Variants in IGSF11 observed in about 807,000 individuals in gnomAD.
IGSF11 encodes the protein immunoglobulin superfamily member 11.
IGSF11 carries 22 observed loss-of-function variants against 41.0 expected under a neutral mutation model. The ratio of observed to expected loss-of-function variants is 0.54; its 90% CI spans 0.38 to 0.77. The LOEUF (loss-of-function observed/expected upper bound fraction) is 0.77, where lower values mean the gene tolerates loss of function less well. IGSF11 is among the 30% of genes least tolerant of loss of function. The probability of loss-of-function intolerance (pLI) is 0.00; values close to 1 mark genes in which losing one functional copy is unlikely to be tolerated. For missense variants in IGSF11, 444 were observed against 530.8 expected, an observed-to-expected ratio of 0.84 and a Z score of 1.61; for synonymous variants, 219 against 201.3, an observed-to-expected ratio of 1.09 and a Z score of -0.74.
At chr3:118,996,600 T>G (rs535829295) in intron 1 of IGSF11, among the ~76,000 whole-genome samples, 160 of 151,982 alleles carry the variant, frequency 1.1e-3, no homozygotes, top group Non-Finnish European at 1.9e-3. Flanking sequence ...TTGTTTTTTT[T>G]TTGTTTTTGT....
intron 1 of IGSF11, among the ~76,000 whole-genome samples, chr3:119,029,295 C>T (rs961378946): frequency 6.2e-5 from 9 of 145,638 alleles, no homozygotes; most frequent in Non-Finnish European, 1.2e-4. Flanking sequence ...AGAGAGAATG[C>T]GAGAGAGAGA....
Position 118,922,543 on chromosome 3 carries a change from C to T in IGSF11, c.580+3558G>A, listed in dbSNP as rs1941907399. On this transcript the variant is annotated intron_variant, in intron 4 of 6. Coordinates refer to ENST00000393775, the MANE Select transcript of IGSF11 (RefSeq NM_001015887.3). Reference sequence around the variant, plus strand: ...TCCAGGATTTATTCATCCTGAATAACTGCAACTTTGTACCCTTTAACCCAC... The same window carrying T: ...TCCAGGATTTATTCATCCTGAATAATTGCAACTTTGTACCCTTTAACCCAC... 2.0e-5 allele frequency among the ~76,000 whole-genome samples: 3 copies of T among 152,054 alleles called. No homozygotes were observed. In the South Asian group the frequency reaches 6.2e-4, roughly 32 times the overall value.
chr3:118,997,552 T>G (rs933568347), intron 1 of IGSF11, among the ~76,000 whole-genome samples: 2 of 31,734 alleles, frequency 6.3e-5, no homozygotes, highest in African/African-American at 2.1e-4. Flanking sequence ...ACCACCCCCC[T>G]CCCCCGGCTC....
intron 1 of IGSF11, among the ~76,000 whole-genome samples, chr3:119,071,154 C>T (rs2076394523): frequency 6.6e-6 from 1 of 152,148 alleles, no homozygotes; most frequent in Non-Finnish European, 1.5e-5. Flanking sequence ...AACTGGAAAA[C>T]ATTTTTGAGA....
chr3:119,047,125 G>A (rs146830211), intron 1 of IGSF11, among the ~76,000 whole-genome samples: 2,528 of 148,600 alleles, frequency 0.017, 71 homozygotes, highest in African/African-American at 0.06. Context: ...CATAATGACA[G>A]GATCAAATTC....
intron 1 of IGSF11, among the ~76,000 whole-genome samples, chr3:119,043,751 C>T (rs1260731002): frequency 6.6e-6 from 1 of 152,124 alleles, no homozygotes; most frequent in Non-Finnish European, 1.5e-5. Flanking sequence ...CAGGCATTCC[C>T]CAATACCAGA....
chr3:119,084,856 C>T (rs1384734416), intron 1 of IGSF11, among the ~76,000 whole-genome samples: 1 of 152,160 alleles, frequency 6.6e-6, no homozygotes, highest in African/African-American at 2.4e-5. Flanking sequence ...GGGTTGTGGC[C>T]AGTGGCTCCA....
chr3:119,045,786 G>C (rs1159240232), intron 1 of IGSF11, among the ~76,000 whole-genome samples: 25 of 152,014 alleles, frequency 1.6e-4, no homozygotes, highest in African/African-American at 6.0e-4. Flanking sequence ...CCAGCACGCA[G>C]CTGGAGATCT....
rs116753988 is a variant in IGSF11, at chr3:119,099,590, C to T, written c.49+5554G>A. Among the ~76,000 whole-genome samples the T allele has an allele frequency of 4.5e-3, 682 of 152,236 alleles. 3 individuals carry two copies. The highest frequency in any genetic ancestry group is 0.016 in the African/African-American group (645 of 41,546). On this transcript the variant is annotated intron_variant, in intron 1 of 6. Transcript: ENST00000354673. ...AGATGGAAAAAGGTAAACTACTACA[C>T]ATGAGTAGAAAATTACAGCTTGAAT... is the stretch of plus-strand genomic sequence containing the variant.
chr3:119,096,855 C>G (rs1271908654), intron 1 of IGSF11, among the ~76,000 whole-genome samples: 1 of 152,168 alleles, frequency 6.6e-6, no homozygotes, highest in Non-Finnish European at 1.5e-5. Flanking sequence ...GAGTTTCTAG[C>G]TTTTAAGACA....
intron 1 of IGSF11, among the ~76,000 whole-genome samples, chr3:119,049,869 G>C (rs1398455113): frequency 6.8e-6 from 1 of 147,534 alleles, no homozygotes; most frequent in Non-Finnish European, 1.5e-5. Context: ...TCTGATCTTT[G>C]ACAAACCTGA....
At chr3:119,022,416 T>C (rs1939384643) in intron 1 of IGSF11, among the ~76,000 whole-genome samples, 1 of 152,218 alleles carries the variant, frequency 6.6e-6, no homozygotes, top group South Asian at 2.1e-4. Context: ...GTTAAAATGG[T>C]AAATGTTATG....
At chr3:119,034,954 C>G, upstream of IGSF11, 1 of 562,428 alleles carries the variant, frequency 1.8e-6, no homozygotes, top group East Asian at 9.6e-5. Flanking sequence ...CGCTTGGTCT[C>G]CAGGGCAACC....
chr3:119,003,134 C>T (rs1242326736), intron 1 of IGSF11, among the ~76,000 whole-genome samples: 142 of 136,100 alleles, frequency 1.0e-3, no homozygotes, highest in Non-Finnish European at 1.4e-3. Flanking sequence ...TTGTTTGTAT[C>T]CTCTTTTATT....
intron 1 of IGSF11, among the ~76,000 whole-genome samples, chr3:118,989,843 C>T (rs1391059794): frequency 1.3e-5 from 2 of 152,084 alleles, no homozygotes; most frequent in Non-Finnish European, 2.9e-5. Flanking sequence ...ATTTTCTATA[C>T]TATACTATAC....
At chr3:119,055,310 GA>G (rs1941785117) in intron 1 of IGSF11, among the ~76,000 whole-genome samples, 2 of 152,102 alleles carry the variant, frequency 1.3e-5, no homozygotes, top group African/African-American at 4.8e-5. Flanking sequence ...ACCAGCAATG[GA>G]ACAAAGCTGG....
chr3:118,983,451 T>C (rs1934948848), intron 1 of IGSF11: 2 of 152,114 alleles, frequency 1.3e-5, no homozygotes, highest in Non-Finnish European at 2.9e-5. Flanking sequence ...TGTGTAGAGC[T>C]GTCATATGAA....
chr3:119,128,896 C>T (rs2107536778), intron 1 of IGSF11, among the ~76,000 whole-genome samples: 1 of 152,210 alleles, frequency 6.6e-6, no homozygotes, highest in East Asian at 1.9e-4. Context: ...TTACAATAGC[C>T]AGGACATGGA....
chr3:118,997,992 G>C (rs1288360937), intron 1 of IGSF11, among the ~76,000 whole-genome samples: 1 of 152,068 alleles, frequency 6.6e-6, no homozygotes, highest in Non-Finnish European at 1.5e-5. Context: ...CTTAATTTCT[G>C]CCAACATCAG....
Sources: allele counts gnomAD v4.1 joint callset (sites outside exome capture counted in the v4.1 genomes callset), GRCh38; gene constraint gnomAD v4.1.1; transcripts MANE v1.5; gene names NCBI Gene and HGNC (gene_info 2026-07-23, HGNC 2026-07-21).